The following SCN8A variants were observed in gnomAD, a reference collection of about 807,000 sequenced individuals.
The protein encoded by SCN8A is sodium channel protein type 8 subunit alpha.
Under a neutral mutation model 184.1 loss-of-function variants are expected in SCN8A, and 30 were observed. The observed-to-expected ratio is 0.16, with a 90% confidence interval of 0.12 to 0.22. The LOEUF (loss-of-function observed/expected upper bound fraction) is 0.22, where lower values mean the gene tolerates loss of function less well. Among genes scored for constraint, SCN8A ranks in the 10% least tolerant of loss-of-function variants. The pLI is 1.00. For synonymous variants in SCN8A, 852 were observed against 907.0 expected (o/e 0.94, Z 1.09); for missense variants, 1,057 against 2,498.9 (o/e 0.42, Z 12.30).
chr12:51,637,278 C>T (rs1171611896), intron 1 of SCN8A, among the ~76,000 whole-genome samples: 6 of 152,116 alleles, frequency 3.9e-5, no homozygotes, highest in Non-Finnish European at 7.4e-5. Context: ...CAACTAATAG[C>T]CTTACATGGC....
At chr12:51,636,292 G>A (rs1271698043) in intron 1 of SCN8A, among the ~76,000 whole-genome samples, 1 of 152,160 alleles carries the variant, frequency 6.6e-6, no homozygotes, top group Non-Finnish European at 1.5e-5. Flanking sequence ...CACAGCGCCT[G>A]GCCGAGTATT....
intron 21 of SCN8A, 114 bp from the exon 22 acceptor site, chr12:51,786,428 A>C: frequency 8.6e-7 from 1 of 1,159,692 alleles, no homozygotes; most frequent in Non-Finnish European, 1.2e-6. Context: ...TCCAAAGGGA[A>C]TGTAATGTTT....
At chr12:51,671,600 G>A (rs1469791001) in intron 2 of SCN8A, among the ~76,000 whole-genome samples, 1 of 152,184 alleles carries the variant, frequency 6.6e-6, no homozygotes, top group African/African-American at 2.4e-5. Context: ...CCATTTAAAT[G>A]TTAAAGAATG....
At chr12:51,707,883 A>G (rs923455791) in intron 11 of SCN8A, among the ~76,000 whole-genome samples, 35 of 152,028 alleles carry the variant, frequency 2.3e-4, no homozygotes, top group African/African-American at 7.5e-4. Flanking sequence ...CTTTGGCCCT[A>G]TGTTTTCCAG....
intron 14 of SCN8A, among the ~76,000 whole-genome samples, chr12:51,753,112 G>C (rs1376517957): frequency 6.6e-6 from 1 of 152,108 alleles, no homozygotes. Context: ...AGAATTGTAA[G>C]TATGCAGAAG....
Position 51,768,846 on chromosome 12 carries a change from T to A in SCN8A, c.2902-19T>A. On this transcript the variant is annotated intron_variant, in intron 16 of 26. Coordinates refer to ENST00000627620, the MANE Select transcript of SCN8A (RefSeq NM_001330260.2). Reference sequence around the variant, plus strand: ...AACTTTTCTGCATTTGTTCCTTTTTTCCAATGCTACTGGCATAGGTGCTGA... The same window carrying A: ...AACTTTTCTGCATTTGTTCCTTTTTACCAATGCTACTGGCATAGGTGCTGA... The A allele has an allele frequency of 6.6e-7, 1 of 1,517,306 alleles. No individual in the cohort carries two copies. The highest frequency in any genetic ancestry group is 8.8e-7 in the Non-Finnish European group (1 of 1,133,122). The allele number at this position is 1,517,306 out of a possible 1,614,324, so 94.0% of individuals were successfully genotyped here.
intron 2 of SCN8A, among the ~76,000 whole-genome samples, chr12:51,678,020 G>A (rs954577307): frequency 6.6e-6 from 1 of 152,240 alleles, no homozygotes; most frequent in African/African-American, 2.4e-5. Flanking sequence ...TCTAGGCTTT[G>A]AAGGATCTGG....
Position 51,807,453 on chromosome 12 carries a change from T to C in SCN8A, c.*24T>C, listed in dbSNP as rs1184816518. On this transcript the variant is annotated 3_prime_UTR_variant, in exon 27 of 27. Transcript: ENST00000627620. The surrounding 1 kb of genome is among the most constrained non-coding windows in gnomAD (Gnocchi z 4.5). ...AGAGGAGAACAAAAATTCAGTATTA[T>C]ACAGATCTAAAACTCGCAAGTGAAA... The C allele has an allele frequency of 3.2e-6, 5 of 1,586,352 alleles. No homozygotes were observed. The highest frequency in any genetic ancestry group is 1.8e-5 in the Admixed American group (1 of 55,602).
At position 51,810,515 on chromosome 12, in the gene SCN8A, A is replaced by C; in HGVS notation, c.*3086A>C. The C allele has an allele frequency of 2.5e-6, 1 of 401,014 alleles. No individual in the cohort carries two copies. The highest frequency in any genetic ancestry group is 4.9e-6 in the Non-Finnish European group (1 of 203,166). 24.8% of individuals were successfully genotyped at this position (401,014 alleles called of 1,614,324 possible). A position where few individuals can be genotyped will look rare whatever the true frequency, so the allele number is the denominator to read the frequency against. On this transcript the variant is annotated 3_prime_UTR_variant, in exon 27 of 27. Transcript: ENST00000627620. Reference sequence around the variant, plus strand: ...CAAAGAGCAGCGCAGCCACAGTATCACTGCACATATATATATAGATATATA... The same window carrying C: ...CAAAGAGCAGCGCAGCCACAGTATCCCTGCACATATATATATAGATATATA...
chr12:51,659,227 T>A (rs1022496863), intron 1 of SCN8A, among the ~76,000 whole-genome samples: 15 of 152,206 alleles, frequency 9.9e-5, no homozygotes, highest in African/African-American at 3.4e-4. Context: ...CCAAAGAGTA[T>A]GTTTATAGTC....
At chr12:51,745,561 C>T (rs1201328543) in intron 12 of SCN8A, among the ~76,000 whole-genome samples, 2 of 152,148 alleles carry the variant, frequency 1.3e-5, no homozygotes, top group Non-Finnish European at 2.9e-5. Context: ...GAGATTAGGA[C>T]CAGAAAACTC....
intron 12 of SCN8A, among the ~76,000 whole-genome samples, chr12:51,740,196 C>T (rs1259613774): frequency 1.3e-5 from 2 of 152,234 alleles, no homozygotes; most frequent in African/African-American, 2.4e-5. Flanking sequence ...GAACATGTTA[C>T]AGTGCTGCAG....
chr12:51,663,259 G>C (rs142385478), intron 2 of SCN8A, among the ~76,000 whole-genome samples, 166 bp downstream of exon 2: 1 of 152,098 alleles, frequency 6.6e-6, no homozygotes, highest in Non-Finnish European at 1.5e-5. Context: ...GCTACTAAGG[G>C]TCATTTGTGG....
intron 11 of SCN8A, among the ~76,000 whole-genome samples, chr12:51,720,778 C>CT (rs961020320): frequency 6.6e-5 from 10 of 151,950 alleles, no homozygotes; most frequent in Admixed American, 3.9e-4. Flanking sequence ...TAAATTCTGT[C>CT]TTTTTGGCCA....
chr12:51,780,612 T>TTTTTTG (rs1937887088), intron 20 of SCN8A, 37 bp from the exon 21 acceptor site: 1 of 625,918 alleles, frequency 1.6e-6, no homozygotes, highest in Non-Finnish European at 2.4e-6. Context: ...TTTGGTTACC[T>TTTTTTG]TTTTTGTTTT....
chr12:51,600,613 C>T (rs868067127), intron 1 of SCN8A, among the ~76,000 whole-genome samples: 43 of 152,180 alleles, frequency 2.8e-4, no homozygotes, highest in African/African-American at 9.2e-4. Flanking sequence ...AGGGCCCTAA[C>T]GTACAACTTG....
At chr12:51,597,438 T>C (rs117421828) in intron 1 of SCN8A, among the ~76,000 whole-genome samples, 2,368 of 152,286 alleles carry the variant, frequency 0.016, 45 homozygotes, top group South Asian at 0.074. Flanking sequence ...AAATAGTGGA[T>C]GCTTACTTAT....
intron 15 of SCN8A, among the ~76,000 whole-genome samples, chr12:51,765,299 T>A (rs1205388993): frequency 6.6e-6 from 1 of 152,176 alleles, no homozygotes; most frequent in Non-Finnish European, 1.5e-5. Context: ...AGTCTTTTGG[T>A]TTCCTACAAA....
rs776787117 is a variant in SCN8A at position 51,721,781 on chromosome 12, G to A, written c.1871G>A (p.Ser624Asn). 6.2e-7 allele frequency: 1 copy of A among 1,610,314 alleles called. No homozygotes were observed. The highest frequency in any genetic ancestry group is 2.2e-5 in the East Asian group (1 of 44,840). ...GGCTACAGCGGCTACAGCCAGGGCA[G>A]CCGCTCCTCGCGCATCTTCCCCAGC... is the stretch of plus-strand genomic sequence containing the variant. The part of the protein sequence containing the change: ...YSGYSGYSQG[S>N]RSSRIFPSLR... The change falls in exon 12 of 27, where the codon AGC (serine) becomes AAC (asparagine). Residue 624 changes from serine to asparagine, a missense_variant. By Grantham distance (46) the Ser-to-Asn change is conservative. Transcript: ENST00000627620.
Sources: allele counts gnomAD v4.1 joint callset (sites outside exome capture counted in the v4.1 genomes callset), GRCh38; gene constraint gnomAD v4.1.1; non-coding constraint Gnocchi (gnomAD v3.1); transcripts MANE v1.5; gene names NCBI Gene and HGNC (gene_info 2026-07-23, HGNC 2026-07-21).